CACNA2D3: variants seen among roughly 807,000 people sequenced by gnomAD.
CACNA2D3 encodes voltage-dependent calcium channel subunit alpha-2/delta-3.
CACNA2D3 carries 60 observed loss-of-function variants against 160.6 expected under a neutral mutation model. The ratio of observed to expected loss-of-function variants is 0.37; its 90% CI spans 0.30 to 0.46. CACNA2D3 has a LOEUF of 0.46. Among genes scored for constraint, CACNA2D3 ranks in the 20% least tolerant of loss-of-function variants. The pLI, the probability that CACNA2D3 is intolerant of heterozygous loss-of-function variation, is 1.00. For missense variants in CACNA2D3, 1,205 were observed against 1,365.0 expected, an observed-to-expected ratio of 0.88 and a Z score of 1.85; for synonymous variants, 558 against 492.9, an observed-to-expected ratio of 1.13 and a Z score of -1.75.
Position 54,570,049 on chromosome 3 carries a change from C to T in CACNA2D3, c.833C>T (p.Thr278Ile). 3.1e-6 allele frequency: 5 copies of T among 1,613,984 alleles called. No homozygotes were observed. Among genetic ancestry groups the T allele is most frequent in the Non-Finnish European group, 4.2e-6 (5 of 1,179,844 alleles). ...KGLRLTIAKQTVSSILDTLGD... is the reference protein window; with the variant it reads ...KGLRLTIAKQIVSSILDTLGD... The stretch of plus-strand genomic sequence containing the variant: ...CTCCGTCTGACTATCGCGAAGCAAA[C>T]AGTCTCATCCATTTTGGATACACTT... Residue 278 changes from threonine (T) to isoleucine (I), a missense_variant, in exon 8 of 38, where the codon ACA becomes ATA. Coordinates refer to ENST00000474759, the MANE Select transcript of CACNA2D3 (RefSeq NM_018398.3).
intron 34 of CACNA2D3, among the ~76,000 whole-genome samples, chr3:55,017,725 A>T (rs541875481): frequency 6.6e-6 from 1 of 152,298 alleles, no homozygotes; most frequent in South Asian, 2.1e-4. Context: ...AGAGCTTCAT[A>T]ATAGTAGGAT....
intron 9 of CACNA2D3, chr3:54,626,160 T>C: frequency 1.5e-6 from 1 of 667,798 alleles, no homozygotes; most frequent in South Asian, 1.8e-5. Flanking sequence ...AAGGGGAGTC[T>C]CACGATAACT....
At chr3:54,693,019 TG>T (rs1700596794) in intron 11 of CACNA2D3, among the ~76,000 whole-genome samples, 1 of 44,228 alleles carries the variant, frequency 2.3e-5, no homozygotes, top group Admixed American at 3.3e-4. Context: ...ACCAGCAAAA[TG>T]TAAAAAAAAA....
chr3:54,735,996 T>TATATATATATGTATATATATACACATAC lies in CACNA2D3; in HGVS notation c.1168-16570_1168-16543dup, dbSNP rs1553813860. 1.4e-4 allele frequency among the ~76,000 whole-genome samples: 10 copies of TATATATATATGTATATATATACACATAC among 70,244 alleles called. 1 individual carries two copies. Among genetic ancestry groups the TATATATATATGTATATATATACACATAC allele is most frequent in the South Asian group, 8.2e-4 (2 of 2,440 alleles). 46.1% of individuals were successfully genotyped at this position (70,244 alleles called of 152,430 possible). On this transcript the variant is annotated intron_variant, in intron 11 of 37. Transcript: ENST00000474759. ...TTCCATGCATGTATATATATATACA[T>TATATATATATGTATATATATACACATAC]ATATATATATGTATATATATACACA...
rs1001518554 is a variant in CACNA2D3, at chr3:54,906,948, C to A, written c.2449+7080C>A. 2.6e-5 allele frequency among the ~76,000 whole-genome samples: 4 copies of A among 152,152 alleles called. No homozygotes were observed. The South Asian group carries it at 8.3e-4, about 32-fold the overall frequency. ...CTGCATACCACACAGTAGCCAGTGA[C>A]AAGGGCATGTTGAGGATTATTGCCC... On this transcript the variant is annotated intron_variant, in intron 27 of 37. Coordinates refer to ENST00000474759, the MANE Select transcript of CACNA2D3 (RefSeq NM_018398.3).
intron 13 of CACNA2D3, among the ~76,000 whole-genome samples, chr3:54,772,046 G>C (rs1702331560): frequency 1.3e-5 from 2 of 151,672 alleles, no homozygotes; most frequent in African/African-American, 4.9e-5. Context: ...TTATATTGCA[G>C]TCTGAAAGGA....
rs74381120 is a variant in CACNA2D3 at position 54,626,746 on chromosome 3, G to A, written c.964-1041G>A. 0.032 allele frequency: 21,441 copies of A among 661,978 alleles called. 3,370 individuals carry two copies. In the African/African-American group the frequency reaches 0.35, roughly 11 times the overall value. 41.0% of individuals were successfully genotyped at this position (661,978 alleles called of 1,614,324 possible). A position where few individuals can be genotyped will look rare whatever the true frequency, so the allele number is the denominator to read the frequency against. ...AAAGGGGTTCGGAATGCAGTGACTG[G>A]AAAGCAAAGCGAGGCCGTGGTGCCA... On this transcript the variant is annotated intron_variant, in intron 9 of 37. Transcript: ENST00000474759.
chr3:54,360,887 T>G (rs1375907265), intron 3 of CACNA2D3, among the ~76,000 whole-genome samples: 2 of 152,150 alleles, frequency 1.3e-5, no homozygotes, highest in East Asian at 3.9e-4. Flanking sequence ...CCAGAATGTG[T>G]TTTATTTGGT....
chr3:54,304,339 C>A (rs1240935307), intron 2 of CACNA2D3, among the ~76,000 whole-genome samples: 1 of 152,048 alleles, frequency 6.6e-6, no homozygotes, highest in Non-Finnish European at 1.5e-5. Flanking sequence ...TATGAGGGCC[C>A]CTGGGTTGTC....
chr3:54,343,220 C>T (rs1698394403), intron 3 of CACNA2D3, among the ~76,000 whole-genome samples: 1 of 152,044 alleles, frequency 6.6e-6, no homozygotes, highest in Non-Finnish European at 1.5e-5. Context: ...TTGTTAAATG[C>T]AAATTCCTGG....
At chr3:55,009,015 A>G (rs1396750611) in intron 33 of CACNA2D3, among the ~76,000 whole-genome samples, 1 of 151,932 alleles carries the variant, frequency 6.6e-6, no homozygotes, top group Non-Finnish European at 1.5e-5. Context: ...AGAATATTCT[A>G]TTTGTATTTC....
chr3:54,175,765 GAATAGGGGCTTGGCAA>G (rs1700667955), intron 2 of CACNA2D3, among the ~76,000 whole-genome samples: 1 of 152,144 alleles, frequency 6.6e-6, no homozygotes, highest in Non-Finnish European at 1.5e-5. Context: ...GTTACAGAAA[GAATAGGGGCTTGGCAA>G]AACAGGTCAT....
chr3:54,871,190 C>G (rs1003518961), intron 17 of CACNA2D3, among the ~76,000 whole-genome samples: 1 of 87,110 alleles, frequency 1.1e-5, no homozygotes, highest in Admixed American at 1.2e-4. Flanking sequence ...GAGACACACA[C>G]ACACACACAC....
At chr3:54,709,765 A>C (rs1012323860) in intron 11 of CACNA2D3, among the ~76,000 whole-genome samples, 3 of 152,178 alleles carry the variant, frequency 2.0e-5, no homozygotes, top group African/African-American at 4.8e-5. Context: ...TCCATACAAA[A>C]AAATTTGAAA....
chr3:54,434,030 C>T (rs1044675732), intron 4 of CACNA2D3, among the ~76,000 whole-genome samples: 3 of 152,168 alleles, frequency 2.0e-5, no homozygotes, highest in Admixed American at 1.3e-4. Context: ...GAAGCAGCAG[C>T]GCTCCGGTTC....
At chr3:54,650,221 C>T (rs888510038) in intron 11 of CACNA2D3, among the ~76,000 whole-genome samples, 6 of 38,888 alleles carry the variant, frequency 1.5e-4, no homozygotes, top group Non-Finnish European at 2.7e-4. Context: ...TTGTTTGAGA[C>T]GGAGTCTTGC....
intron 2 of CACNA2D3, among the ~76,000 whole-genome samples, chr3:54,186,618 T>A (rs966023988): frequency 2.0e-5 from 3 of 152,226 alleles, no homozygotes; most frequent in Non-Finnish European, 4.4e-5. Context: ...TTTCTCTTCA[T>A]ACTACATGAC....
At chr3:54,541,149 C>T (rs6445692) in intron 5 of CACNA2D3, among the ~76,000 whole-genome samples, 149,641 of 151,092 alleles carry the variant, frequency 0.99, 74,110 homozygotes, top group South Asian at 1. Flanking sequence ...TGGTGGCGGG[C>T]GCCTGTAGTC....
intron 3 of CACNA2D3, among the ~76,000 whole-genome samples, chr3:54,386,276 A>G (rs1699184817): frequency 1.3e-5 from 2 of 152,220 alleles, no homozygotes; most frequent in Admixed American, 1.3e-4. Flanking sequence ...TGATTGAGGG[A>G]ATTAAAATAA....
Sources: gnomAD v4.1 joint callset for allele counts (sites outside exome capture counted in the v4.1 genomes callset) on GRCh38, gnomAD v4.1.1 for gene constraint, MANE v1.5 for transcripts, NCBI Gene and HGNC (gene_info 2026-07-23, HGNC 2026-07-21) for gene names.